MEX3D: variants seen among roughly 807,000 people sequenced by gnomAD.
The protein encoded by MEX3D is RNA-binding protein MEX3D.
MEX3D carries 4 observed loss-of-function variants against 6.3 expected under a neutral mutation model. The observed-to-expected ratio is 0.64, with a 90% CI of 0.31 to 1.46. The LOEUF (loss-of-function observed/expected upper bound fraction) is 1.46. Among genes scored for constraint, MEX3D ranks in the 40% most tolerant of loss-of-function variants. The probability of loss-of-function intolerance (pLI) is 0.07; values close to 1 mark genes in which losing one functional copy is unlikely to be tolerated. For synonymous variants in MEX3D, 626 were observed against 494.1 expected (o/e 1.27, Z -3.54); for missense variants, 1,038 against 994.4 (o/e 1.04, Z -0.59).
chr19:1,564,647 C>T (rs915894154), intron 1 of MEX3D, among the ~76,000 whole-genome samples: 5 of 152,096 alleles, frequency 3.3e-5, no homozygotes, highest in Non-Finnish European at 5.9e-5. Flanking sequence ...CTCGGACCCC[C>T]TCTAGGATCA....
In MEX3D at chr19:1,555,734, G is replaced by T. The variant is rs1205353245; in HGVS notation, c.1785C>A (p.Ala595=). ...CGCACACCACGCACTCTCGCGCCAG[G>T]GCCGGGGCCGAGGACGCCGAAGGGG... ...RKPPSASSAP[A]LARECVVCAE... The change falls in exon 2 of 2, where the codon GCC becomes GCA. Residue 595 remains alanine, a synonymous_variant. Transcript: ENST00000402693. 30 of 1,521,812 alleles carry T rather than the reference G, an allele frequency of 2.0e-5. No individual in the cohort carries two copies. Among genetic ancestry groups the T allele is most frequent in the African/African-American group, 2.9e-5 (2 of 70,114 alleles). The allele number at this position is 1,521,812 out of a possible 1,614,324, so 94.3% of individuals were successfully genotyped here.
At chr19:1,559,466 A>G (rs906663799) in intron 1 of MEX3D, among the ~76,000 whole-genome samples, 1 of 151,706 alleles carries the variant, frequency 6.6e-6, no homozygotes, top group Non-Finnish European at 1.5e-5. Context: ...GGATCTCACT[A>G]TATTGCCCAG....
In MEX3D at chr19:1,567,923, G is replaced by T; in HGVS notation, c.136C>A (p.Pro46Thr). 1.0e-6 allele frequency: 1 copy of T among 979,184 alleles called. No homozygotes were observed. The allele number at this position is 979,184 out of a possible 1,614,324, so 60.7% of individuals were successfully genotyped here. The change falls in exon 1 of 2, where the codon CCC becomes ACC. Residue 46 changes from proline (P) to threonine (T), a missense_variant. Physicochemically the swap from Pro to Thr is conservative, Grantham distance 38 (BLOSUM62 -1). This residue lies in a region of MEX3D where 265 missense variants were observed against 206.3 expected (regional missense o/e 1.28). Transcript: ENST00000402693. The surrounding 1 kb of genome is among the most constrained non-coding windows in gnomAD (Gnocchi z 6.5). ...TCGTCGGGTTCGGGCGGCGGCCGGG[G>T]CGCGGGCGCGGCCTCCTGGGCGCCC... Reference protein sequence around the residue: ...PEGAQEAAPAPRPPPEPDDAA... With the variant: ...PEGAQEAAPATRPPPEPDDAA...
At position 1,567,824 on chromosome 19, in the gene MEX3D, C is replaced by G; in HGVS notation, c.235G>C (p.Glu79Gln). 2 of 995,184 alleles carry G rather than the reference C, an allele frequency of 2.0e-6. No individual in the cohort carries two copies. Among genetic ancestry groups the G allele is most frequent in the Non-Finnish European group, 1.2e-6 (1 of 836,508 alleles). The allele number at this position is 995,184 out of a possible 1,614,324, so 61.6% of individuals were successfully genotyped here. Residue 79 changes from glutamate to glutamine, a missense_variant, in exon 1 of 2, where the codon GAG (glutamate) becomes CAG (glutamine). Coordinates refer to ENST00000402693, the MANE Select transcript of MEX3D (RefSeq NM_203304.4). This position sits in a 1 kb window ranked among gnomAD's most constrained non-coding sequence, Gnocchi z 6.5. ...GCGCCGTCCCCGGCCGCCCCCTCCT[C>G]GTCCGTGTCGCCAGCGCCCCCCAGC... The part of the protein sequence containing the change: ...LGLGGAGDTD[E>Q]EGAAGDGAAA...
At chr19:1,565,817 T>C (rs1048938377) in intron 1 of MEX3D, among the ~76,000 whole-genome samples, 1 of 152,224 alleles carries the variant, frequency 6.6e-6, no homozygotes, top group Non-Finnish European at 1.5e-5. Context: ...CCCATGGACC[T>C]GCCCCTAGAG....
In MEX3D at chr19:1,556,201, C is replaced by T. The variant is rs373205976; in HGVS notation, c.1318G>A (p.Gly440Ser). The change falls in exon 2 of 2, where the codon GGT becomes AGT. Residue 440 changes from glycine (G) to serine (S), a missense_variant. Physicochemically the swap from Gly to Ser is moderately conservative, Grantham distance 56. Around this residue, in one of 5 missense-constraint regions of MEX3D, gnomAD observed 581 missense variants for 516.2 expected, o/e 1.13. Coordinates refer to ENST00000402693, the MANE Select transcript of MEX3D (RefSeq NM_203304.4). The surrounding 1 kb of genome is among the most constrained non-coding windows in gnomAD (Gnocchi z 7.5). Reference protein sequence around the residue: ...GGFAFGAEGPGAPVGTAAPDD... With the variant: ...GGFAFGAEGPSAPVGTAAPDD... ...GGGGCGGCCGTCCCCACCGGGGCACCGGGACCCTCCGCGCCGAAGGCGAAG... is the reference window on the plus strand; with the variant it reads ...GGGGCGGCCGTCCCCACCGGGGCACTGGGACCCTCCGCGCCGAAGGCGAAG... 7.6e-6 allele frequency: 11 copies of T among 1,441,796 alleles called. No homozygotes were observed. The highest frequency in any genetic ancestry group is 9.1e-6 in the Non-Finnish European group (10 of 1,097,410). The allele number at this position is 1,441,796 out of a possible 1,614,324, so 89.3% of individuals were successfully genotyped here. A position where few individuals can be genotyped will look rare whatever the true frequency, so the allele number is the denominator to read the frequency against.
chr19:1,567,807 C>T lies in MEX3D; in HGVS notation c.252G>A (p.Gly84=). The change falls in exon 1 of 2, where the codon GGG becomes GGA. Residue 84 remains glycine, a synonymous_variant. Transcript: ENST00000402693. The surrounding 1 kb of genome is among the most constrained non-coding windows in gnomAD (Gnocchi z 6.5). ...AGDTDEEGAA[G]DGAAAAGGAD... is the part of the protein sequence containing the mutation. ...CGCCCCCCGCCGCCGCTGCGCCGTC[C>T]CCGGCCGCCCCCTCCTCGTCCGTGT... is the stretch of plus-strand genomic sequence containing the variant. The T allele has an allele frequency of 2.1e-6, 2 of 972,488 alleles. No homozygotes were observed. The highest frequency in any genetic ancestry group is 2.4e-6 in the Non-Finnish European group (2 of 819,050). 60.2% of individuals were successfully genotyped at this position (972,488 alleles called of 1,614,324 possible).
Position 1,555,619 on chromosome 19 carries a change from G to A in MEX3D, c.1900C>T (p.Pro634Ser), listed in dbSNP as rs1181121740. 4 of 1,591,300 alleles carry A rather than the reference G, an allele frequency of 2.5e-6. No individual in the cohort carries two copies. The highest frequency in any genetic ancestry group is 3.4e-6 in the Non-Finnish European group (4 of 1,171,312). Residue 634 changes from proline (P) to serine (S), a missense_variant, in exon 2 of 2, where the codon CCC becomes TCC. Around this residue, in one of 5 missense-constraint regions of MEX3D, gnomAD observed 581 missense variants for 516.2 expected, o/e 1.13. Transcript: ENST00000402693. ...CAVRICGKSE[P>S]ECPACRTPAT... ...GGCGTGCGGCAGGCGGGACACTCGG[G>A]CTCGCTCTTGCCGCAGATGCGGACG... is the stretch of plus-strand genomic sequence containing the variant.
chr19:1,563,377 G>A (rs1914766171), intron 1 of MEX3D, among the ~76,000 whole-genome samples: 1 of 152,184 alleles, frequency 6.6e-6, no homozygotes, highest in South Asian at 2.1e-4. Flanking sequence ...AGCGAGCCCT[G>A]AGCAGCTTCC....
intron 1 of MEX3D, among the ~76,000 whole-genome samples, chr19:1,565,228 A>G (rs990513028): frequency 6.6e-6 from 1 of 152,144 alleles, no homozygotes; most frequent in Non-Finnish European, 1.5e-5. Flanking sequence ...TCTACAAGAA[A>G]AACTTTATAA....
intron 1 of MEX3D, among the ~76,000 whole-genome samples, chr19:1,559,700 G>T (rs1914670658): frequency 6.6e-6 from 1 of 152,244 alleles, no homozygotes; most frequent in South Asian, 2.1e-4. Flanking sequence ...CACAGTGCAA[G>T]AGATGAAATG....
chr19:1,565,018 A>G (rs1311066216), intron 1 of MEX3D, among the ~76,000 whole-genome samples: 1 of 152,188 alleles, frequency 6.6e-6, no homozygotes, highest in Non-Finnish European at 1.5e-5. Context: ...CTGTCCTGGC[A>G]TCCACAGTTG....
Position 1,567,471 on chromosome 19 carries a change from A to T in MEX3D, c.588T>A (p.Gly196=), listed in dbSNP as rs1024956809. 1 of 1,564,826 alleles carries T rather than the reference A, an allele frequency of 6.4e-7. No individual in the cohort carries two copies. The highest frequency in any genetic ancestry group is 1.4e-5 in the African/African-American group (1 of 69,984). ...CCGACGAGGGCCACTCACCCTGGCG[A>T]CCCACGATCTCGGCGACGTGCTCGG... ...PSSEHVAEIV[G]RQGCKIKALR... is the part of the protein sequence containing the mutation. Residue 196 remains glycine (G), a synonymous_variant, in exon 1 of 2, where the codon GGT becomes GGA. Coordinates refer to ENST00000402693, the MANE Select transcript of MEX3D (RefSeq NM_203304.4). This position sits in a 1 kb window ranked among gnomAD's most constrained non-coding sequence, Gnocchi z 6.5.
At position 1,567,801 on chromosome 19, in the gene MEX3D, G is replaced by T; in HGVS notation, c.258C>A (p.Gly86=). 1 of 942,424 alleles carries T rather than the reference G, an allele frequency of 1.1e-6. No individual in the cohort carries two copies. Among genetic ancestry groups the T allele is most frequent in the Non-Finnish European group, 1.3e-6 (1 of 793,658 alleles). The allele number at this position is 942,424 out of a possible 1,614,324, so 58.4% of individuals were successfully genotyped here. Residue 86 remains glycine, a synonymous_variant, in exon 1 of 2, where the codon GGC becomes GGA. Coordinates refer to ENST00000402693, the MANE Select transcript of MEX3D (RefSeq NM_203304.4). This position sits in a 1 kb window ranked among gnomAD's most constrained non-coding sequence, Gnocchi z 6.5. ...DTDEEGAAGD[G]AAAAGGADGG... is the part of the protein sequence containing the mutation. ...CGTCCGCGCCCCCCGCCGCCGCTGCGCCGTCCCCGGCCGCCCCCTCCTCGT... is the reference window on the plus strand; with the variant it reads ...CGTCCGCGCCCCCCGCCGCCGCTGCTCCGTCCCCGGCCGCCCCCTCCTCGT...
rs75438199 is a variant in MEX3D, at chr19:1,555,881, C to T, written c.1638G>A (p.Pro546=). The T allele has an allele frequency of 0.079, 102,809 of 1,296,990 alleles. 4,483 individuals carry two copies. The highest frequency in any genetic ancestry group is 0.11 in the Middle Eastern group (361 of 3,398). The allele number at this position is 1,296,990 out of a possible 1,614,324, so 80.3% of individuals were successfully genotyped here. A position where few individuals can be genotyped will look rare whatever the true frequency, so the allele number is the denominator to read the frequency against. The change falls in exon 2 of 2, where the codon CCG becomes CCA. Residue 546 remains proline, a synonymous_variant. Transcript: ENST00000402693. ...CGCCTGGGAAGGATACGGGGCCCTG[C>T]GGGGGTCGCCAGGACAGCGCGCCCA... The part of the protein sequence containing the change: ...DPVGALSWRP[P]QGPVSFPGGA...
Position 1,555,840 on chromosome 19 carries a change from G to C in MEX3D, c.1679C>G (p.Thr560Arg), listed in dbSNP as rs538022731. The C allele has an allele frequency of 1.1e-3, 1,413 of 1,344,460 alleles. 3 individuals carry two copies. Among genetic ancestry groups the C allele is most frequent in the Non-Finnish European group, 1.2e-3 (1,316 of 1,054,660 alleles). The allele number at this position is 1,344,460 out of a possible 1,614,324, so 83.3% of individuals were successfully genotyped here. The change falls in exon 2 of 2, where the codon ACG becomes AGG. Residue 560 changes from threonine (T) to arginine (R), a missense_variant. By Grantham distance (71) the Thr-to-Arg change is moderately conservative. Coordinates refer to ENST00000402693, the MANE Select transcript of MEX3D (RefSeq NM_203304.4). ...GGGGCTGCTGGGCAGCGAGGTGGCC[G>C]TGGAGAAGGCGGCGCCGCCTGGGAA... ...VSFPGGAAFS[T>R]ATSLPSSPAA...
intron 1 of MEX3D, among the ~76,000 whole-genome samples, chr19:1,557,505 G>A (rs1367885048): frequency 2.0e-5 from 3 of 150,146 alleles, no homozygotes; most frequent in African/African-American, 7.4e-5. Flanking sequence ...GACGAAGGTT[G>A]CAGTGAGCCA....
At chr19:1,564,276 T>C (rs1914786393) in intron 1 of MEX3D, among the ~76,000 whole-genome samples, 1 of 151,882 alleles carries the variant, frequency 6.6e-6, no homozygotes, top group African/African-American at 2.4e-5. Flanking sequence ...CTCACACCTG[T>C]AGTCCCAGCA....
chr19:1,567,549 G>A lies in MEX3D; in HGVS notation c.510C>T (p.Ile170=), dbSNP rs1914873985. The A allele has an allele frequency of 6.4e-7, 1 of 1,552,496 alleles. No individual in the cohort carries two copies. The highest frequency in any genetic ancestry group is 8.7e-7 in the Non-Finnish European group (1 of 1,152,230). Residue 170 remains isoleucine, a synonymous_variant, in exon 1 of 2, where the codon ATC becomes ATT. Transcript: ENST00000402693. The surrounding 1 kb of genome is among the most constrained non-coding windows in gnomAD (Gnocchi z 6.5). ...PTLLADQMSV[I]GSRKKSVNMT... ...TGTTGACGCTTTTCTTGCGGCTGCC[G>A]ATCACGCTCATCTGGTCGGCCAGCA...
Sources: gnomAD v4.1 joint callset for allele counts (sites outside exome capture counted in the v4.1 genomes callset) on GRCh38, gnomAD v4.1.1 for gene constraint, gnomAD v4.1.1 regional missense constraint, Gnocchi (gnomAD v3.1) non-coding constraint, MANE v1.5 for transcripts, NCBI Gene and HGNC (gene_info 2026-07-23, HGNC 2026-07-21) for gene names.